The following SDHB variants were observed in gnomAD, a reference collection of about 807,000 sequenced individuals.
SDHB encodes succinate dehydrogenase complex iron sulfur subunit B, also known as succinate dehydrogenase [ubiquinone] iron-sulfur subunit, mitochondrial.
A neutral mutation model predicts 39.7 loss-of-function variants in SDHB; 21 were observed. The ratio of observed to expected loss-of-function variants is 0.53; its 90% confidence interval spans 0.37 to 0.76. SDHB has a LOEUF of 0.76. Among genes scored for constraint, SDHB ranks in the 30% least tolerant of loss-of-function variants. The probability of loss-of-function intolerance (pLI) is 0.00; values close to 1 mark genes in which losing one functional copy is unlikely to be tolerated. For missense variants in SDHB, 343 were observed against 350.9 expected (o/e 0.98, Z 0.18); for synonymous variants, 118 against 117.0 (o/e 1.01, Z -0.06).
chr1:17,047,977 G>A (rs1243276631), intron 1 of SDHB, among the ~76,000 whole-genome samples: 9 of 152,176 alleles, frequency 5.9e-5, no homozygotes, highest in Admixed American at 5.9e-4. Context: ...CCATGCCAGG[G>A]CCCACATACT....
intron 7 of SDHB, 92 bp from the exon 8 acceptor site, chr1:17,019,050 T>C (rs2077946952): frequency 2.0e-6 from 2 of 985,676 alleles, no homozygotes; most frequent in East Asian, 4.8e-5. Context: ...CCTCAGCTGG[T>C]TCAGTGTCCA....
At chr1:17,040,669 G>A (rs1351903741) in intron 2 of SDHB, among the ~76,000 whole-genome samples, 1 of 152,042 alleles carries the variant, frequency 6.6e-6, no homozygotes, top group East Asian at 2.0e-4. Flanking sequence ...CTCACAGGTT[G>A]CCCAAGCTGG....
chr1:17,034,723 C>T (rs1570952270), intron 2 of SDHB, among the ~76,000 whole-genome samples: 1 of 152,250 alleles, frequency 6.6e-6, no homozygotes, highest in Non-Finnish European at 1.5e-5. Flanking sequence ...GTCCTTTCTG[C>T]TGGACCTCTG....
rs372152327 is a variant in SDHB at position 17,029,093 on chromosome 1, G to T, written c.287-357C>A. 2.2e-3 allele frequency among the ~76,000 whole-genome samples: 159 copies of T among 71,974 alleles called. No individual in the cohort carries two copies. In the East Asian group the frequency reaches 0.025, roughly 11 times the overall value. The allele number at this position is 71,974 out of a possible 152,430, so 47.2% of individuals were successfully genotyped here. A position where few individuals can be genotyped will look rare whatever the true frequency, so the allele number is the denominator to read the frequency against. On this transcript the variant is annotated intron_variant, in intron 3 of 7. Coordinates refer to ENST00000375499, the MANE Select transcript of SDHB (RefSeq NM_003000.3). Reference sequence around the variant, plus strand: ...ACGTGTTTTGAAGAAAAATCAGCCTGTTTTTTTTTTTTTTTTTTTTTTTTT... The same window carrying T: ...ACGTGTTTTGAAGAAAAATCAGCCTTTTTTTTTTTTTTTTTTTTTTTTTTT...
At chr1:17,028,847 G>T in intron 3 of SDHB, 111 bp from the exon 4 acceptor site, 1 of 1,263,786 alleles carries the variant, frequency 7.9e-7, no homozygotes, top group Non-Finnish European at 1.1e-6. Context: ...GCACTGACAT[G>T]CAACATTCCT....
At chr1:17,044,633 A>T (rs559489155) in intron 2 of SDHB, 128 bp downstream of exon 2, 204 of 1,181,230 alleles carry the variant, frequency 1.7e-4, no homozygotes, top group Non-Finnish European at 2.4e-4. Flanking sequence ...GCCCAAGCTC[A>T]TTCTTGTTTT....
chr1:17,020,305 T>C (rs552540673), intron 7 of SDHB, among the ~76,000 whole-genome samples: 1 of 152,258 alleles, frequency 6.6e-6, no homozygotes, highest in South Asian at 2.1e-4. Flanking sequence ...AGTCCTACCT[T>C]CCCACTGACC....
At chr1:17,041,749 T>C (rs10887991) in intron 2 of SDHB, among the ~76,000 whole-genome samples, 41,047 of 152,050 alleles carry the variant, frequency 0.27, 6,282 homozygotes, top group East Asian at 0.63. Context: ...AAAGTGTGGA[T>C]TTTAAAATTT....
chr1:17,019,838 T>C (rs150600537), intron 7 of SDHB, among the ~76,000 whole-genome samples: 59 of 152,258 alleles, frequency 3.9e-4, no homozygotes, highest in Non-Finnish European at 7.1e-4. Context: ...GCTCAAGTGA[T>C]CCTCCGGCCT....
intron 6 of SDHB, chr1:17,022,954 G>A (rs2077970551): frequency 2.0e-6 from 1 of 512,678 alleles, no homozygotes; most frequent in South Asian, 1.9e-5. Flanking sequence ...TACTGCACCT[G>A]GTACCCGGGT....
intron 1 of SDHB, among the ~76,000 whole-genome samples, chr1:17,053,022 C>A (rs1013395037): frequency 2.6e-5 from 4 of 152,152 alleles, no homozygotes; most frequent in Non-Finnish European, 5.9e-5. Flanking sequence ...GGTAAGGATT[C>A]TTGCTTGCCC....
At chr1:17,041,661 CAAAATAAA>C (rs2078080729) in intron 2 of SDHB, among the ~76,000 whole-genome samples, 1 of 150,470 alleles carries the variant, frequency 6.6e-6, no homozygotes, top group African/African-American at 2.5e-5. Flanking sequence ...AACTCAGACT[CAAAATAAA>C]AAAATAAAAA....
chr1:17,023,844 GT>G, intron 6 of SDHB, 128 bp downstream of exon 6: 1 of 730,332 alleles, frequency 1.4e-6, no homozygotes, highest in Non-Finnish European at 2.5e-6. Flanking sequence ...CAATTACCCT[GT>G]TTGGACTGGA....
At chr1:17,031,080 C>T (rs2078020227) in intron 3 of SDHB, among the ~76,000 whole-genome samples, 2 of 151,652 alleles carry the variant, frequency 1.3e-5, no homozygotes, top group South Asian at 2.1e-4. Context: ...TGAGCCACTG[C>T]GCCCAGTCGG....
chr1:17,049,631 G>A (rs1403992654), intron 1 of SDHB, among the ~76,000 whole-genome samples: 7 of 124,210 alleles, frequency 5.6e-5, no homozygotes, highest in Non-Finnish European at 1.1e-4. Flanking sequence ...TGGGACTGGA[G>A]CATAATCCCC....
intron 7 of SDHB, among the ~76,000 whole-genome samples, chr1:17,020,580 G>A (rs1047118252): frequency 3.3e-5 from 5 of 152,172 alleles, no homozygotes; most frequent in African/African-American, 1.2e-4. Context: ...AGAGTCACTC[G>A]CAGAGCTTCT....
intron 6 of SDHB, among the ~76,000 whole-genome samples, chr1:17,023,628 C>G (rs2077975174): frequency 1.3e-5 from 2 of 152,316 alleles, no homozygotes; most frequent in South Asian, 4.1e-4. Context: ...ACTGCTTTCT[C>G]CCCTGCTTGC....
rs1276383326 is a variant in SDHB at position 17,024,166 on chromosome 1, A to ATGAACAAAGTGCC, written c.541-105_541-93dup. ...TAAATGTTACCTTTGGGGTCAGTGC[A>ATGAACAAAGTGCC]TGAACAAAGTGCCTACTTGCATGTG... On this transcript the variant is annotated intron_variant, in intron 5 of 7. Coordinates refer to ENST00000375499, the MANE Select transcript of SDHB (RefSeq NM_003000.3). 8.1e-6 allele frequency: 7 copies of ATGAACAAAGTGCC among 869,444 alleles called. No homozygotes were observed. In the East Asian group the frequency reaches 1.8e-4, roughly 23 times the overall value. 53.9% of individuals were successfully genotyped at this position (869,444 alleles called of 1,614,324 possible).
chr1:17,018,993 TAACTGA>T, intron 7 of SDHB, 35 bp from the exon 8 acceptor site: 2 of 1,500,400 alleles, frequency 1.3e-6, no homozygotes, highest in Non-Finnish European at 1.9e-6. Context: ...TAACAAATGA[TAACTGA>T]AACTGAAAGG....
Sources: gnomAD v4.1 joint callset for allele counts (sites outside exome capture counted in the v4.1 genomes callset) on GRCh38, gnomAD v4.1.1 for gene constraint, MANE v1.5 for transcripts, NCBI Gene and HGNC (gene_info 2026-07-23, HGNC 2026-07-21) for gene names.